The following POLA1 variants were observed in gnomAD, a reference collection of about 807,000 sequenced individuals.
POLA1 encodes the protein DNA polymerase alpha catalytic subunit.
In POLA1, 15 loss-of-function variants were observed where a neutral mutation model predicts 124.0. That is an observed-to-expected ratio of 0.12 (90% CI 0.08 to 0.19). The LOEUF is 0.19. Ranked by LOEUF, POLA1 falls within the 10% of genes least tolerant of loss-of-function variation. The pLI, the probability that POLA1 is intolerant of heterozygous loss-of-function variation, is 1.00. For missense variants in POLA1, 886 were observed against 1,103.4 expected, an observed-to-expected ratio of 0.80 and a Z score of 2.79; for synonymous variants, 408 against 389.4, an observed-to-expected ratio of 1.05 and a Z score of -0.56.
Position 24,748,478 on chromosome X carries a change from G to A in POLA1, c.2841+18G>A, listed in dbSNP as rs1231757135. Reference sequence around the variant, plus strand: ...TTCTTCAGGTATATCTTTTCACTAAGAAACATTTGAGTGACAGTCTCAGCT... The same window carrying A: ...TTCTTCAGGTATATCTTTTCACTAAAAAACATTTGAGTGACAGTCTCAGCT... On this transcript the variant is annotated intron_variant, in intron 25 of 36. Transcript: ENST00000379068. 1 of 1,143,982 alleles carries A rather than the reference G, an allele frequency of 8.7e-7. No individual in the cohort carries two copies. The highest frequency in any genetic ancestry group is 1.2e-6 in the Non-Finnish European group (1 of 845,330). The allele number at this position is 1,143,982 out of a possible 1,213,427, so 94.3% of individuals were successfully genotyped here. A position where few individuals can be genotyped will look rare whatever the true frequency, so the allele number is the denominator to read the frequency against.
chrX:24,878,581 C>T (rs2046964134), intron 34 of POLA1, among the ~76,000 whole-genome samples: 1 of 110,740 alleles, frequency 9.0e-6, no homozygotes, highest in Non-Finnish European at 1.9e-5. Context: ...GAAAGGTATT[C>T]AAATCATATT....
intron 35 of POLA1, among the ~76,000 whole-genome samples, chrX:24,909,794 G>A (rs1322742169): frequency 1.8e-3 from 199 of 110,126 alleles, no homozygotes; most frequent in African/African-American, 5.7e-3. Flanking sequence ...TAGCTTGATG[G>A]GGATGGCATT....
chrX:24,894,788 CT>C (rs761056089), intron 35 of POLA1, among the ~76,000 whole-genome samples: 102 of 98,512 alleles, frequency 1.0e-3, no homozygotes, highest in Non-Finnish European at 1.0e-3. Context: ...CTTTTCTTTT[CT>C]TTTTTTTTTT....
intron 36 of POLA1, among the ~76,000 whole-genome samples, chrX:24,941,726 C>T (rs2047910153): frequency 8.9e-6 from 1 of 112,215 alleles, no homozygotes; most frequent in Admixed American, 9.4e-5. Flanking sequence ...AGGACAGTAA[C>T]TAGACAGACT....
chrX:24,854,367 T>G (rs1009411010), intron 34 of POLA1, among the ~76,000 whole-genome samples: 3 of 111,832 alleles, frequency 2.7e-5, no homozygotes, highest in African/African-American at 9.7e-5. Context: ...GCCACTACTT[T>G]GATTGATGCT....
intron 26 of POLA1, among the ~76,000 whole-genome samples, chrX:24,758,269 CTA>C: frequency 9.0e-6 from 1 of 110,865 alleles, no homozygotes; most frequent in South Asian, 3.8e-4. Flanking sequence ...TATATATAAT[CTA>C]TTATAACAGT....
chrX:24,860,450 C>A (rs1481456841), intron 34 of POLA1, among the ~76,000 whole-genome samples: 1 of 112,772 alleles, frequency 8.9e-6, no homozygotes, highest in Non-Finnish European at 1.9e-5. Context: ...GAAGATAGTT[C>A]AGCAGAGAAG....
intron 24 of POLA1, among the ~76,000 whole-genome samples, chrX:24,747,665 A>G (rs1932087776): frequency 9.1e-6 from 1 of 109,984 alleles, no homozygotes; most frequent in African/African-American, 3.3e-5. Flanking sequence ...TATTTTAAAA[A>G]CAATTTCCCC....
At chrX:24,855,651 A>G (rs1482635145) in intron 34 of POLA1, among the ~76,000 whole-genome samples, 1 of 111,918 alleles carries the variant, frequency 8.9e-6, no homozygotes, top group Non-Finnish European at 1.9e-5. Context: ...AGAAAACTAA[A>G]TCATATCTTC....
At chrX:24,957,727 T>C (rs780425925) in intron 36 of POLA1, among the ~76,000 whole-genome samples, 15 of 111,632 alleles carry the variant, frequency 1.3e-4, no homozygotes, top group Non-Finnish European at 2.6e-4. Flanking sequence ...AATTGTTGCC[T>C]GTAGGAAATG....
At chrX:24,741,785 A>G (rs999866590) in intron 21 of POLA1, among the ~76,000 whole-genome samples, 11 of 110,450 alleles carry the variant, frequency 1.0e-4, no homozygotes, top group African/African-American at 3.6e-4. Context: ...TAAATAGCCA[A>G]GTTGTCAATA....
At chrX:24,704,337 T>G (rs1928655901) in intron 3 of POLA1, 52 bp from the exon 4 acceptor site, 1 of 923,201 alleles carries the variant, frequency 1.1e-6, no homozygotes, top group Admixed American at 2.2e-5. Context: ...GGCTAAAATA[T>G]TATTGGCCAC....
At chrX:24,955,083 A>G (rs2048090867) in intron 36 of POLA1, among the ~76,000 whole-genome samples, 1 of 110,450 alleles carries the variant, frequency 9.1e-6, no homozygotes, top group Admixed American at 9.6e-5. Context: ...CAGCCCTCAG[A>G]GATCCAGAGC....
At chrX:24,907,118 G>T (rs2147171525) in intron 35 of POLA1, among the ~76,000 whole-genome samples, 1 of 111,327 alleles carries the variant, frequency 9.0e-6, no homozygotes, top group South Asian at 3.8e-4. Context: ...TTAAACCCAG[G>T]AGTCGGCGGT....
intron 26 of POLA1, among the ~76,000 whole-genome samples, chrX:24,777,027 G>A (rs2045152838): frequency 8.9e-6 from 1 of 112,139 alleles, no homozygotes; most frequent in South Asian, 3.7e-4. Context: ...TTAGGATTCA[G>A]TACTGGGTCA....
chrX:24,707,917 C>T (rs1172228109), intron 4 of POLA1, among the ~76,000 whole-genome samples: 1 of 111,805 alleles, frequency 8.9e-6, no homozygotes, highest in Non-Finnish European at 1.9e-5. Context: ...ATCTCTTAAA[C>T]CCGGGAGGCA....
At chrX:24,757,750 A>T (rs999548299) in intron 26 of POLA1, among the ~76,000 whole-genome samples, 2 of 110,795 alleles carry the variant, frequency 1.8e-5, no homozygotes, top group South Asian at 7.5e-4. Flanking sequence ...AAACTCTGAA[A>T]CTTTAAGTGC....
At chrX:24,859,760 A>G (rs755902794) in intron 34 of POLA1, among the ~76,000 whole-genome samples, 1 of 112,227 alleles carries the variant, frequency 8.9e-6, no homozygotes, top group Non-Finnish European at 1.9e-5. Flanking sequence ...TGAGCAAGGG[A>G]GTGATTTTTG....
chrX:24,808,361 T>TA (rs1159969468), intron 26 of POLA1, among the ~76,000 whole-genome samples: 2 of 112,018 alleles, frequency 1.8e-5, no homozygotes, highest in Non-Finnish European at 3.8e-5. Context: ...GAATTCTCCT[T>TA]ACGTTTAATT....
Sources: gnomAD v4.1 joint callset for allele counts (sites outside exome capture counted in the v4.1 genomes callset) on GRCh38, gnomAD v4.1.1 for gene constraint, MANE v1.5 for transcripts, NCBI Gene and HGNC (gene_info 2026-07-23, HGNC 2026-07-21) for gene names.